The following CDC42SE2 variants were observed in gnomAD, a reference collection of about 807,000 sequenced individuals.
The protein encoded by CDC42SE2 is CDC42 small effector 2.
In CDC42SE2, 3 loss-of-function variants were observed where a neutral mutation model predicts 11.5. That is an observed-to-expected ratio of 0.26 (90% CI 0.12 to 0.67). CDC42SE2 has a LOEUF of 0.67. Ranked by LOEUF, CDC42SE2 falls within the 30% of genes least tolerant of loss-of-function variation. The pLI, the probability that CDC42SE2 is intolerant of heterozygous loss-of-function variation, is 0.80. For missense variants in CDC42SE2, 82 were observed against 106.8 expected (o/e 0.77, Z 1.02); for synonymous variants, 33 against 34.8 (o/e 0.95, Z 0.18).
At chr5:131,303,264 T>C (rs1757718845) in intron 1 of CDC42SE2, among the ~76,000 whole-genome samples, 1 of 152,226 alleles carries the variant, frequency 6.6e-6, no homozygotes, top group Non-Finnish European at 1.5e-5. Context: ...TATTTGTCCC[T>C]GACAGATCTG....
intron 1 of CDC42SE2, among the ~76,000 whole-genome samples, chr5:131,250,927 C>G (rs192359724): frequency 6.6e-6 from 1 of 152,062 alleles, no homozygotes; most frequent in Non-Finnish European, 1.5e-5. Context: ...AAATATACCA[C>G]ATGAATCCAG....
chr5:131,293,572 C>CAA (rs57767937), intron 1 of CDC42SE2, among the ~76,000 whole-genome samples: 24 of 101,192 alleles, frequency 2.4e-4, no homozygotes, highest in African/African-American at 9.3e-4. Context: ...AACTCCGTCT[C>CAA]AAAAAAAAAA....
chr5:131,220,185 A>G, the CDC42SE2 span, among the ~76,000 whole-genome samples: 2 of 152,110 alleles, frequency 1.3e-5, no homozygotes, highest in African/African-American at 4.8e-5. Flanking sequence ...TTTTAAAAAT[A>G]CTTTTGACCT....
chr5:131,266,109 A>G (rs893628186), intron 1 of CDC42SE2, among the ~76,000 whole-genome samples: 2 of 152,206 alleles, frequency 1.3e-5, no homozygotes, highest in Admixed American at 6.5e-5. Flanking sequence ...ATGTGGACTT[A>G]TCTTTTAGTA....
chr5:131,294,288 A>T (rs1346305482), intron 1 of CDC42SE2, among the ~76,000 whole-genome samples: 1 of 152,202 alleles, frequency 6.6e-6, no homozygotes, highest in East Asian at 1.9e-4. Context: ...ATTTTATTTG[A>T]CATAATATAG....
At chr5:131,332,551 C>T (rs955514124) in intron 2 of CDC42SE2, among the ~76,000 whole-genome samples, 2 of 152,108 alleles carry the variant, frequency 1.3e-5, no homozygotes, top group African/African-American at 4.8e-5. Context: ...ACACCAACTT[C>T]CACAATGGTT....
intron 1 of CDC42SE2, among the ~76,000 whole-genome samples, chr5:131,270,052 G>A (rs1217625367): frequency 2.8e-5 from 4 of 145,378 alleles, no homozygotes; most frequent in Non-Finnish European, 6.1e-5. Context: ...TGGAGCAAGA[G>A]TATCTCAAAA....
intron 2 of CDC42SE2, among the ~76,000 whole-genome samples, chr5:131,324,769 C>A (rs1015094793): frequency 2.6e-5 from 4 of 151,918 alleles, no homozygotes; most frequent in African/African-American, 4.8e-5. Flanking sequence ...TAAAAAAATA[C>A]CCCAGATACT....
At chr5:131,227,179 G>A in the CDC42SE2 span, among the ~76,000 whole-genome samples, 7 of 151,088 alleles carry the variant, frequency 4.6e-5, no homozygotes, top group African/African-American at 7.3e-5. Flanking sequence ...TGGGAGGATC[G>A]CTTGAACCCA....
At chr5:131,343,367 CATT>C (rs1422856046) in intron 2 of CDC42SE2, among the ~76,000 whole-genome samples, 15 of 152,110 alleles carry the variant, frequency 9.9e-5, no homozygotes, top group African/African-American at 3.6e-4. Context: ...GTCACAGCAT[CATT>C]ATTTCTAACT....
chr5:131,284,860 T>A (rs568264942), intron 1 of CDC42SE2, among the ~76,000 whole-genome samples: 1 of 152,274 alleles, frequency 6.6e-6, no homozygotes, highest in South Asian at 2.1e-4. Context: ...ATAGTTTTTT[T>A]AAATGATAAT....
chr5:131,304,542 G>T (rs1757744545), intron 1 of CDC42SE2, among the ~76,000 whole-genome samples: 1 of 152,058 alleles, frequency 6.6e-6, no homozygotes, highest in Non-Finnish European at 1.5e-5. Context: ...TGTCTTTTTG[G>T]TCAACAATGA....
intron 3 of CDC42SE2, among the ~76,000 whole-genome samples, chr5:131,373,322 G>A (rs942733621): frequency 6.6e-6 from 1 of 152,256 alleles, no homozygotes; most frequent in Admixed American, 6.5e-5. Context: ...TGGTAGAGTG[G>A]GAACCTATTT....
chr5:131,289,033 G>C (rs1189488011), intron 1 of CDC42SE2, among the ~76,000 whole-genome samples: 1 of 151,708 alleles, frequency 6.6e-6, no homozygotes, highest in African/African-American at 2.4e-5. Context: ...CATTTTTTTT[G>C]TAAAAACTGC....
chr5:131,369,735 A>T (rs1749964526), intron 3 of CDC42SE2, among the ~76,000 whole-genome samples: 1 of 152,188 alleles, frequency 6.6e-6, no homozygotes, highest in Non-Finnish European at 1.5e-5. Flanking sequence ...CAAATTAGAG[A>T]TTTATTGAAG....
In CDC42SE2 at chr5:131,359,464, A is replaced by G. The variant is rs777962585; in HGVS notation, c.-30A>G. On this transcript the variant is annotated 5_prime_UTR_variant, in exon 3 of 5. Coordinates refer to ENST00000505065, the MANE Select transcript of CDC42SE2 (RefSeq NM_001375635.1). Reference sequence around the variant, plus strand: ...TCCCGAGTTGAGATTTGGAACCTTCATTGGTGCTCATTTACTGTGGACTGT... The same window carrying G: ...TCCCGAGTTGAGATTTGGAACCTTCGTTGGTGCTCATTTACTGTGGACTGT... 6 of 1,591,624 alleles carry G rather than the reference A, an allele frequency of 3.8e-6. No individual in the cohort carries two copies. The highest frequency in any genetic ancestry group is 1.3e-5 in the African/African-American group (1 of 74,576).
intron 1 of CDC42SE2, among the ~76,000 whole-genome samples, chr5:131,283,484 C>G (rs2149703712): frequency 6.6e-6 from 1 of 151,880 alleles, no homozygotes; most frequent in South Asian, 2.1e-4. Flanking sequence ...TAGCATGTAT[C>G]AGTACATCAT....
At position 131,359,207 on chromosome 5, in the gene CDC42SE2, A is replaced by C. The variant is rs1749639341; in HGVS notation, c.-285-2A>C. Reference sequence around the variant, plus strand: ...TTTTTACTTTTTCTTTTTTTTCCCTAGACTATCTGTTATAGTCCCTGGGTC... The same window carrying C: ...TTTTTACTTTTTCTTTTTTTTCCCTCGACTATCTGTTATAGTCCCTGGGTC... On this transcript the variant is annotated splice_acceptor_variant, in intron 2 of 4. Coordinates refer to ENST00000505065, the MANE Select transcript of CDC42SE2 (RefSeq NM_001375635.1). LOFTEE classifies it low-confidence loss of function (5UTR_SPLICE). 1 of 323,716 alleles carries C rather than the reference A, an allele frequency of 3.1e-6. No homozygotes were observed. The highest frequency in any genetic ancestry group is 5.6e-6 in the Non-Finnish European group (1 of 179,344). 20.1% of individuals were successfully genotyped at this position (323,716 alleles called of 1,614,324 possible). A position where few individuals can be genotyped will look rare whatever the true frequency, so the allele number is the denominator to read the frequency against.
At chr5:131,217,363 A>T in the CDC42SE2 span, among the ~76,000 whole-genome samples, 1 of 152,198 alleles carries the variant, frequency 6.6e-6, no homozygotes, top group African/African-American at 2.4e-5. Context: ...TTCCTATGCT[A>T]TCTGTATTGG....
Sources: gnomAD v4.1 joint callset for allele counts (sites outside exome capture counted in the v4.1 genomes callset) on GRCh38, gnomAD v4.1.1 for gene constraint, MANE v1.5 for transcripts, NCBI Gene and HGNC (gene_info 2026-07-23, HGNC 2026-07-21) for gene names.